The following TAF15 variants were observed in gnomAD, a reference collection of about 807,000 sequenced individuals.
The protein encoded by TAF15 is TATA-box binding protein associated factor 15, also known as TATA-binding protein-associated factor 2N.
TAF15 carries 37 observed loss-of-function variants against 102.5 expected under a neutral mutation model. The observed-to-expected ratio is 0.36, with a 90% confidence interval of 0.28 to 0.47. The LOEUF is 0.47. Among genes scored for constraint, TAF15 ranks in the 20% least tolerant of loss-of-function variants. The pLI, the probability that TAF15 is intolerant of heterozygous loss-of-function variation, is 0.99. For synonymous variants in TAF15, 273 were observed against 259.2 expected, an observed-to-expected ratio of 1.05 and a Z score of -0.51; for missense variants, 652 against 760.7, an observed-to-expected ratio of 0.86 and a Z score of 1.68.
chr17:35,823,955 A>G, intron 6 of TAF15, 123 bp from the exon 7 acceptor site: 1 of 1,168,534 alleles, frequency 8.6e-7, no homozygotes, highest in Non-Finnish European at 1.3e-6. Flanking sequence ...CTTGCATTTG[A>G]GTTGTGTGCA....
chr17:35,844,619 T>A lies in TAF15; in HGVS notation c.1320T>A (p.Asp440Glu), dbSNP rs372580198. 1 of 1,518,066 alleles carries A rather than the reference T, an allele frequency of 6.6e-7. No homozygotes were observed. The highest frequency in any genetic ancestry group is 8.8e-7 in the Non-Finnish European group (1 of 1,135,380). The allele number at this position is 1,518,066 out of a possible 1,614,324, so 94.0% of individuals were successfully genotyped here. A position where few individuals can be genotyped will look rare whatever the true frequency, so the allele number is the denominator to read the frequency against. ...GCAGCGGTGGTGGCTACAGCGGAGA[T>A]AGAAGTGGGGGCGGCTATGGTGGAG... is the stretch of plus-strand genomic sequence containing the variant. ...DRSSGGGYSG[D>E]RSGGGYGGDR... The change falls in exon 15 of 16, where the codon GAT (aspartate) becomes GAA (glutamate). Residue 440 changes from aspartate to glutamate, a missense_variant. Physicochemically the swap from Asp to Glu is conservative, Grantham distance 45. This residue lies in a region of TAF15 where 368 missense variants were observed against 367.5 expected (regional missense o/e 1.00). Transcript: ENST00000605844.
chr17:35,830,299 A>C (rs965972439), intron 7 of TAF15: 3 of 152,176 alleles, frequency 2.0e-5, no homozygotes, highest in Non-Finnish European at 2.9e-5. Flanking sequence ...ACAAACAAAA[A>C]AACCAGCTAG....
intron 5 of TAF15, 27 bp from the exon 6 acceptor site, chr17:35,822,613 T>G: frequency 2.6e-5 from 42 of 1,605,292 alleles, no homozygotes; most frequent in Non-Finnish European, 3.6e-5. Flanking sequence ...TCCTATGAAG[T>G]CTCTTAAGTT....
At chr17:35,819,894 CAG>C (rs1260876853) in intron 2 of TAF15, 128 bp from the exon 3 acceptor site, 1 of 803,464 alleles carries the variant, frequency 1.2e-6, no homozygotes, top group Non-Finnish European at 2.1e-6. Context: ...ACTCTAGAGA[CAG>C]GGAGATTGAT....
chr17:35,826,866 T>TATTATTTTTATGTGTCATAACACATAAA lies in TAF15; in HGVS notation c.605+2691_605+2718dup, dbSNP rs552004635. The stretch of plus-strand genomic sequence containing the variant: ...AGCCACCACGCCTGGCTGAAGTTCA[T>TATTATTTTTATGTGTCATAACACATAAA]ATTATTTTTATGTGTCATAACACAT... On this transcript the variant is annotated intron_variant, in intron 7 of 15. Transcript: ENST00000605844. Among the ~76,000 whole-genome samples, 377 of 151,906 alleles carry TATTATTTTTATGTGTCATAACACATAAA rather than the reference T, an allele frequency of 2.5e-3. 2 individuals are homozygous for TATTATTTTTATGTGTCATAACACATAAA. Among genetic ancestry groups the TATTATTTTTATGTGTCATAACACATAAA allele is most frequent in the South Asian group, 4.4e-3 (21 of 4,798 alleles).
At chr17:35,826,995 A>AT (rs1013344518) in intron 7 of TAF15, among the ~76,000 whole-genome samples, 27 of 150,862 alleles carry the variant, frequency 1.8e-4, no homozygotes, top group South Asian at 6.3e-4. Context: ...CTGTTTTAAG[A>AT]TTTTTTTTTC....
At chr17:35,833,427 T>TA in intron 7 of TAF15, 1 of 154,234 alleles carries the variant, frequency 6.5e-6, no homozygotes, top group Non-Finnish European at 1.4e-5. Context: ...ATTCATCTCA[T>TA]AAAATCCACT....
chr17:35,815,898 A>G (rs2087189550), intron 1 of TAF15, among the ~76,000 whole-genome samples: 1 of 151,944 alleles, frequency 6.6e-6, no homozygotes, highest in Non-Finnish European at 1.5e-5. Flanking sequence ...TTTCTTTTTC[A>G]TTTCAGCTAG....
intron 13 of TAF15, 47 bp from the exon 14 acceptor site, chr17:35,844,233 G>A: frequency 6.2e-7 from 1 of 1,611,354 alleles, no homozygotes; most frequent in Non-Finnish European, 8.5e-7. Context: ...GGGGTTCTGA[G>A]TCCATTAGAA....
At chr17:35,846,550 T>C (rs943811080) in intron 15 of TAF15, among the ~76,000 whole-genome samples, 62 of 152,196 alleles carry the variant, frequency 4.1e-4, no homozygotes, top group African/African-American at 1.4e-3. Context: ...ACATAGTAAG[T>C]GGCAGATCCA....
intron 8 of TAF15, 137 bp downstream of exon 8, chr17:35,834,078 T>G: frequency 1.7e-6 from 1 of 589,464 alleles, no homozygotes; most frequent in Non-Finnish European, 2.8e-6. Flanking sequence ...TAAAAAAAAT[T>G]TTATATATAT....
chr17:35,846,033 G>A (rs372413707), intron 15 of TAF15, among the ~76,000 whole-genome samples: 40 of 152,336 alleles, frequency 2.6e-4, no homozygotes, highest in African/African-American at 9.6e-4. Flanking sequence ...TGATGGGAAT[G>A]TCTTGTGCAC....
chr17:35,814,265 A>G (rs1019683740), intron 1 of TAF15, among the ~76,000 whole-genome samples: 2 of 151,700 alleles, frequency 1.3e-5, no homozygotes, highest in African/African-American at 4.9e-5. Context: ...TCCTGGGTTC[A>G]CGCCATTCTC....
At chr17:35,825,478 C>A (rs2087313921) in intron 7 of TAF15, among the ~76,000 whole-genome samples, 1 of 152,144 alleles carries the variant, frequency 6.6e-6, no homozygotes, top group Admixed American at 6.5e-5. Flanking sequence ...ATTTAATTTA[C>A]CAGTTAATAT....
chr17:35,845,699 C>T (rs1322355960), intron 15 of TAF15, among the ~76,000 whole-genome samples: 1 of 152,162 alleles, frequency 6.6e-6, no homozygotes, highest in Admixed American at 6.5e-5. Context: ...TTAGTAGAGA[C>T]GGGGTTTCAC....
chr17:35,834,746 T>C lies in TAF15; in HGVS notation c.673+148T>C, dbSNP rs1334963008. 35 of 657,270 alleles carry C rather than the reference T, an allele frequency of 5.3e-5. No homozygotes were observed. The South Asian group carries it at 6.3e-4, about 12-fold the overall frequency. The allele number at this position is 657,270 out of a possible 1,614,324, so 40.7% of individuals were successfully genotyped here. The stretch of plus-strand genomic sequence containing the variant: ...GAACTGGGGAGCTTTATTTCTTTTT[T>C]TTTTTTTTTTTTTTTTGAGATGGAG... On this transcript the variant is annotated intron_variant, in intron 9 of 15. Coordinates refer to ENST00000605844, the MANE Select transcript of TAF15 (RefSeq NM_139215.3).
Position 35,820,069 on chromosome 17 carries a change from A to T in TAF15, c.93A>T (p.Ala31=). 6.2e-7 allele frequency: 1 copy of T among 1,614,120 alleles called. No individual in the cohort carries two copies. Among genetic ancestry groups the T allele is most frequent in the East Asian group, 2.2e-5 (1 of 44,874 alleles). The change falls in exon 3 of 16, where the codon GCA becomes GCT. Residue 31 remains alanine, a synonymous_variant. Coordinates refer to ENST00000605844, the MANE Select transcript of TAF15 (RefSeq NM_139215.3). ...CAGGCAGCCAAGGCTATGGACAAGC[A>T]TCACAAGTAGGTTGAAATATAAATT... The part of the protein sequence containing the change: ...GNPGSQGYGQ[A]SQSYSGYGQT...
chr17:35,837,419 A>C (rs551948081), intron 10 of TAF15, among the ~76,000 whole-genome samples: 47 of 152,164 alleles, frequency 3.1e-4, no homozygotes, highest in African/African-American at 1.1e-3. Flanking sequence ...CCTCCCACCA[A>C]GTGCTGGGAT....
At chr17:35,823,562 A>T (rs4796110) in intron 6 of TAF15, 1 of 166,390 alleles carries the variant, frequency 6.0e-6, no homozygotes, top group Non-Finnish European at 1.3e-5. Flanking sequence ...AAAATTAGCC[A>T]GGCATGGTGG....
Sources: allele counts gnomAD v4.1 joint callset (sites outside exome capture counted in the v4.1 genomes callset), GRCh38; gene constraint gnomAD v4.1.1; regional missense constraint gnomAD v4.1.1; transcripts MANE v1.5; gene names NCBI Gene and HGNC (gene_info 2026-07-23, HGNC 2026-07-21).